The following SCHIP1 variants were observed in gnomAD, a reference collection of about 807,000 sequenced individuals.
The protein encoded by SCHIP1 is schwannomin-interacting protein 1.
In SCHIP1, 8 loss-of-function variants were observed where a neutral mutation model predicts 29.7. The observed-to-expected ratio is 0.27, with a 90% CI of 0.16 to 0.49. The LOEUF (loss-of-function observed/expected upper bound fraction) is 0.49, where lower values mean the gene tolerates loss of function less well. SCHIP1 is among the 20% of genes least tolerant of loss of function. SCHIP1 has a pLI of 0.99. For synonymous variants in SCHIP1, 76 were observed against 94.9 expected, an observed-to-expected ratio of 0.80 and a Z score of 1.16; for missense variants, 193 against 294.6, an observed-to-expected ratio of 0.66 and a Z score of 2.52.
the SCHIP1 span, among the ~76,000 whole-genome samples, chr3:159,767,129 A>G: frequency 6.6e-6 from 1 of 152,180 alleles, no homozygotes; most frequent in Non-Finnish European, 1.5e-5. Flanking sequence ...TTTGAGGTTA[A>G]TGGTGGATTT....
the SCHIP1 span, among the ~76,000 whole-genome samples, chr3:159,627,057 G>GTGTGT: frequency 6.6e-6 from 1 of 152,146 alleles, no homozygotes; most frequent in Non-Finnish European, 1.5e-5. Flanking sequence ...GGGCCCCGGT[G>GTGTGT]TGTGTTGTTC....
chr3:159,346,623 T>G, the SCHIP1 span, among the ~76,000 whole-genome samples: 1 of 152,152 alleles, frequency 6.6e-6, no homozygotes, highest in Non-Finnish European at 1.5e-5. Context: ...ATGATTCATT[T>G]TGGATTAGCC....
chr3:159,510,123 G>C, the SCHIP1 span, among the ~76,000 whole-genome samples: 1 of 152,118 alleles, frequency 6.6e-6, no homozygotes, highest in Non-Finnish European at 1.5e-5. Context: ...CGTAGATTTG[G>C]TCTTTTCACA....
At chr3:159,857,982 TC>T (rs750753147) in intron 1 of SCHIP1, among the ~76,000 whole-genome samples, 2 of 152,018 alleles carry the variant, frequency 1.3e-5, no homozygotes, top group African/African-American at 2.4e-5. Flanking sequence ...TGTGTCCACC[TC>T]CCCCGGATCC....
chr3:159,518,047 T>C, the SCHIP1 span, among the ~76,000 whole-genome samples: 1 of 152,136 alleles, frequency 6.6e-6, no homozygotes, highest in Non-Finnish European at 1.5e-5. Flanking sequence ...TGTAATTGTA[T>C]ACAACTGCAA....
At chr3:159,889,539 G>A (rs1303988525) in intron 5 of SCHIP1, among the ~76,000 whole-genome samples, 1 of 152,214 alleles carries the variant, frequency 6.6e-6, no homozygotes, top group African/African-American at 2.4e-5. Context: ...TGATGAAAGA[G>A]AGAACATTCT....
At chr3:159,598,839 G>C in the SCHIP1 span, among the ~76,000 whole-genome samples, 3 of 152,244 alleles carry the variant, frequency 2.0e-5, no homozygotes, top group Middle Eastern at 3.4e-3. Flanking sequence ...GATCTCTTTA[G>C]ATCTTGTAAT....
the SCHIP1 span, among the ~76,000 whole-genome samples, chr3:159,407,868 T>C: frequency 6.6e-6 from 1 of 152,100 alleles, no homozygotes; most frequent in African/African-American, 2.4e-5. Context: ...CCAAGACCTA[T>C]GGAATACAGT....
the SCHIP1 span, among the ~76,000 whole-genome samples, chr3:159,396,523 C>G: frequency 6.8e-4 from 101 of 147,682 alleles, 1 homozygote; most frequent in East Asian, 6.4e-3. Context: ...CTGGTGGTGA[C>G]AAAATCTCTC....
the SCHIP1 span, among the ~76,000 whole-genome samples, chr3:159,599,285 T>TG: frequency 2.0e-5 from 3 of 152,212 alleles, no homozygotes; most frequent in Non-Finnish European, 4.4e-5. Flanking sequence ...AATAGGTTTT[T>TG]GGGGAACAAG....
the SCHIP1 span, among the ~76,000 whole-genome samples, chr3:159,691,021 C>T: frequency 2.6e-5 from 4 of 152,036 alleles, no homozygotes; most frequent in Non-Finnish European, 5.9e-5. Context: ...ATTATGTGGT[C>T]GATTTTAGAA....
At chr3:159,763,380 G>A in the SCHIP1 span, among the ~76,000 whole-genome samples, 1 of 152,152 alleles carries the variant, frequency 6.6e-6, no homozygotes, top group Admixed American at 6.5e-5. Flanking sequence ...GGGATGCCGG[G>A]TGGCTTCGGC....
At chr3:159,755,497 T>A in the SCHIP1 span, among the ~76,000 whole-genome samples, 1 of 152,226 alleles carries the variant, frequency 6.6e-6, no homozygotes, top group Non-Finnish European at 1.5e-5. Context: ...CCACAACACA[T>A]GGGAATTATG....
chr3:159,588,736 T>G, the SCHIP1 span, among the ~76,000 whole-genome samples: 3 of 152,294 alleles, frequency 2.0e-5, no homozygotes, highest in East Asian at 3.9e-4. Context: ...TTTCCCCATT[T>G]CTTGTTTTTG....
chr3:159,347,413 C>T, the SCHIP1 span, among the ~76,000 whole-genome samples: 1 of 152,112 alleles, frequency 6.6e-6, no homozygotes, highest in Non-Finnish European at 1.5e-5. Context: ...AACTACTTAA[C>T]CTCTGTGAGT....
At chr3:159,438,537 A>G in the SCHIP1 span, among the ~76,000 whole-genome samples, 1 of 152,126 alleles carries the variant, frequency 6.6e-6, no homozygotes, top group Non-Finnish European at 1.5e-5. Flanking sequence ...GGTTTATTAC[A>G]TAGGTTAATG....
exon 1 of SCHIP1, chr3:159,839,892 T>A (rs1202952578): frequency 7.2e-7 from 1 of 1,391,306 alleles, no homozygotes; most frequent in East Asian, 2.7e-5. Flanking sequence ...AATTGGCTGA[T>A]TGTGCGGGTG....
chr3:159,367,529 G>T, the SCHIP1 span, among the ~76,000 whole-genome samples: 1 of 152,106 alleles, frequency 6.6e-6, no homozygotes, highest in Non-Finnish European at 1.5e-5. Flanking sequence ...GTTGTAGCTT[G>T]TGATTTGTTT....
At chr3:159,728,537 G>T in the SCHIP1 span, among the ~76,000 whole-genome samples, 1 of 152,206 alleles carries the variant, frequency 6.6e-6, no homozygotes, top group Non-Finnish European at 1.5e-5. Flanking sequence ...TGTCTTATGA[G>T]ATAAAGGGAA....
Sources: gnomAD v4.1 joint callset for allele counts (sites outside exome capture counted in the v4.1 genomes callset) on GRCh38, gnomAD v4.1.1 for gene constraint, MANE v1.5 for transcripts, NCBI Gene and HGNC (gene_info 2026-07-23, HGNC 2026-07-21) for gene names.